Variants in CDK11A observed in about 807,000 individuals in gnomAD.
CDK11A encodes the protein cyclin-dependent kinase 11A.
Under a neutral mutation model 83.6 loss-of-function variants are expected in CDK11A, and 55 were observed. That is an observed-to-expected ratio of 0.66 (90% CI 0.53 to 0.82). CDK11A has a LOEUF of 0.82. CDK11A is among the 40% of genes least tolerant of loss of function. The probability of loss-of-function intolerance (pLI) is 0.00; values close to 1 mark genes in which losing one functional copy is unlikely to be tolerated. For missense variants in CDK11A, 564 were observed against 810.1 expected (o/e 0.70, Z 3.69); for synonymous variants, 247 against 302.7 (o/e 0.82, Z 1.91).
intron 4 of CDK11A, among the ~76,000 whole-genome samples, chr1:1,718,944 G>C (rs1306148544): frequency 3.3e-5 from 5 of 150,648 alleles, no homozygotes; most frequent in South Asian, 2.1e-4. Context: ...CCTTCAGCTA[G>C]AGTATTCTCT....
In CDK11A at chr1:1,702,576, T is replaced by C. The variant is rs1644127089; in HGVS notation, c.*331A>G. Among the ~76,000 whole-genome samples, 2 of 124,282 alleles carry C rather than the reference T, an allele frequency of 1.6e-5. No homozygotes were observed. Among genetic ancestry groups the C allele is most frequent in the South Asian group, 2.9e-4 (1 of 3,474 alleles). 81.5% of individuals were successfully genotyped at this position (124,282 alleles called of 152,430 possible). A position where few individuals can be genotyped will look rare whatever the true frequency, so the allele number is the denominator to read the frequency against. On this transcript the variant is annotated 3_prime_UTR_variant, in exon 20 of 20. Coordinates refer to ENST00000404249, the MANE Select transcript of CDK11A (RefSeq NM_024011.4). Reference sequence around the variant, plus strand: ...AGAAACAGGTCTCCAGCTCCGAAGATTAAACAATCCACCCGGCTCCCACCA... The same window carrying C: ...AGAAACAGGTCTCCAGCTCCGAAGACTAAACAATCCACCCGGCTCCCACCA...
chr1:1,704,733 G>A lies in CDK11A; in HGVS notation c.1459-78C>T, dbSNP rs1164799392. ...CTGCACCCGGGCGCAGATGCTGAGG[G>A]ACAGTAAGGACCTCCGGTGCCACCC... On this transcript the variant is annotated intron_variant, in intron 13 of 19. Coordinates refer to ENST00000404249, the MANE Select transcript of CDK11A (RefSeq NM_024011.4). The A allele has an allele frequency of 3.6e-5, 57 of 1,600,968 alleles. 1 individual carries two copies. Among genetic ancestry groups the A allele is most frequent in the Non-Finnish European group, 1.2e-5 (14 of 1,171,696 alleles).
At chr1:1,711,984 G>A (rs535641751) in intron 6 of CDK11A, among the ~76,000 whole-genome samples, 3,106 of 113,766 alleles carry the variant, frequency 0.027, 148 homozygotes, top group African/African-American at 0.084. Context: ...TAAAAAAATA[G>A]CTGAACATGG....
At chr1:1,703,970 G>A (rs1452283149) in intron 16 of CDK11A, 30 bp from the exon 17 acceptor site, 3 of 1,608,278 alleles carry the variant, frequency 1.9e-6, no homozygotes, top group Non-Finnish European at 1.7e-6. Flanking sequence ...GTTCAGGAAG[G>A]CCAGTGCCCG....
intron 2 of CDK11A, 44 bp from the exon 3 acceptor site, chr1:1,721,755 T>A: frequency 6.8e-7 from 1 of 1,475,440 alleles, no homozygotes; most frequent in East Asian, 2.4e-5. Flanking sequence ...TATAAGTTTT[T>A]TTTTCTTCAT....
At position 1,721,879 on chromosome 1, in the gene CDK11A, A is replaced by G. The variant is rs1017486922; in HGVS notation, c.112-168T>C. The stretch of plus-strand genomic sequence containing the variant: ...ATATAAAGAATTTTTGGCCAGGTGC[A>G]GTGGCTCACGCTTGTTAATCCCAGC... On this transcript the variant is annotated intron_variant, in intron 2 of 19. Coordinates refer to ENST00000404249, the MANE Select transcript of CDK11A (RefSeq NM_024011.4). The G allele has an allele frequency of 3.5e-6, 3 of 862,864 alleles. 1 individual carries two copies. The highest frequency in any genetic ancestry group is 3.2e-5 in the East Asian group (1 of 31,318). The allele number at this position is 862,864 out of a possible 1,614,324, so 53.5% of individuals were successfully genotyped here. A position where few individuals can be genotyped will look rare whatever the true frequency, so the allele number is the denominator to read the frequency against.
Position 1,722,832 on chromosome 1 carries a change from C to T in CDK11A, c.-13-1G>A, listed in dbSNP as rs771991599. The T allele has an allele frequency of 2.1e-5, 26 of 1,236,956 alleles. 1 individual carries two copies. The South Asian group carries it at 3.2e-4, about 15-fold the overall frequency. The allele number at this position is 1,236,956 out of a possible 1,614,324, so 76.6% of individuals were successfully genotyped here. Reference sequence around the variant, plus strand: ...TTCATCACCCATTTGAGTTAAAACACTGCAAAAAGAAAAATAATTCAGCCT... The same window carrying T: ...TTCATCACCCATTTGAGTTAAAACATTGCAAAAAGAAAAATAATTCAGCCT... On this transcript the variant is annotated splice_acceptor_variant, in intron 1 of 19. Coordinates refer to ENST00000404249, the MANE Select transcript of CDK11A (RefSeq NM_024011.4). LOFTEE classifies it low-confidence loss of function (5UTR_SPLICE).
At position 1,705,134 on chromosome 1, in the gene CDK11A, C is replaced by T. The variant is rs1463443184; in HGVS notation, c.1337-109G>A. The T allele has an allele frequency of 6.1e-5, 87 of 1,418,946 alleles. 5 individuals carry two copies. Among genetic ancestry groups the T allele is most frequent in the South Asian group, 5.4e-4 (39 of 71,940 alleles). 87.9% of individuals were successfully genotyped at this position (1,418,946 alleles called of 1,614,324 possible). Reference sequence around the variant, plus strand: ...CAGTGCCCAAAGCGCCAGCATTTCACGGAGGGGGGTCTCGTTCTAGGTGGG... The same window carrying T: ...CAGTGCCCAAAGCGCCAGCATTTCATGGAGGGGGGTCTCGTTCTAGGTGGG... On this transcript the variant is annotated intron_variant, in intron 12 of 19. Coordinates refer to ENST00000404249, the MANE Select transcript of CDK11A (RefSeq NM_024011.4).
At position 1,704,931 on chromosome 1, in the gene CDK11A, G is replaced by A. The variant is rs1434875623; in HGVS notation, c.1431C>T (p.Ala477=). Residue 477 remains alanine (A), a synonymous_variant, in exon 13 of 20, where the codon GCC becomes GCT. Transcript: ENST00000404249. ...SLREINTILK[A]QHPNIVTVRE... ...TAACGGTGACAATGTTGGGATGCTG[G>A]GCCTTGAGGATGGTGTTGATCTCCC... 1.9e-6 allele frequency: 3 copies of A among 1,595,520 alleles called. No individual in the cohort carries two copies. Among genetic ancestry groups the A allele is most frequent in the Non-Finnish European group, 2.6e-6 (3 of 1,172,564 alleles).
In CDK11A at chr1:1,703,577, G is replaced by C; in HGVS notation, c.1959C>G (p.Leu653=). 6.3e-7 allele frequency: 1 copy of C among 1,585,078 alleles called. No homozygotes were observed. Among genetic ancestry groups the C allele is most frequent in the Non-Finnish European group, 8.5e-7 (1 of 1,172,024 alleles). The part of the protein sequence containing the change: ...SEKIWPGYSE[L]PVVKKMTFSE... ...TGAAGGTCATCTTTTTGACTACTGG[G>C]AGCTCACTGTAGCCGGGCCAGATTT... is the stretch of plus-strand genomic sequence containing the variant. The change falls in exon 18 of 20, where the codon CTC becomes CTG. Residue 653 remains leucine (L), a synonymous_variant. Coordinates refer to ENST00000404249, the MANE Select transcript of CDK11A (RefSeq NM_024011.4).
intron 3 of CDK11A, among the ~76,000 whole-genome samples, chr1:1,720,347 T>G (rs2101341932): frequency 6.6e-6 from 1 of 150,734 alleles, no homozygotes; most frequent in South Asian, 2.1e-4. Context: ...TCTGCCCGCC[T>G]CAGCCTCCCA....
In CDK11A at chr1:1,720,507, T is replaced by G. The variant is rs1644865824; in HGVS notation, c.228-1052A>C. Among the ~76,000 whole-genome samples the G allele has an allele frequency of 7.3e-5, 11 of 151,072 alleles. 2 individuals are homozygous for G. In the Admixed American group the frequency reaches 7.3e-4, roughly 10 times the overall value. On this transcript the variant is annotated intron_variant, in intron 3 of 19. Coordinates refer to ENST00000404249, the MANE Select transcript of CDK11A (RefSeq NM_024011.4). ...CTCCTGTCCCAGGTTCGAGCAATTCTCCTGCCTCAGCCTCCGGAGTAGCTG... is the reference window on the plus strand; with the variant it reads ...CTCCTGTCCCAGGTTCGAGCAATTCGCCTGCCTCAGCCTCCGGAGTAGCTG...
At chr1:1,713,793 C>T (rs1417152698) in intron 5 of CDK11A, among the ~76,000 whole-genome samples, 5 of 67,500 alleles carry the variant, frequency 7.4e-5, no homozygotes, top group East Asian at 3.7e-4. Flanking sequence ...TTCAAGTTAC[C>T]GTCTGGTGTC....
intron 4 of CDK11A, among the ~76,000 whole-genome samples, chr1:1,718,654 A>T (rs1333741542): frequency 8.1e-5 from 7 of 86,556 alleles, no homozygotes; most frequent in East Asian, 3.7e-4. Context: ...TTTTTTTTTG[A>T]GACGGAGTCT....
At chr1:1,718,354 C>T in intron 4 of CDK11A, among the ~76,000 whole-genome samples, 1 of 150,000 alleles carries the variant, frequency 6.7e-6, no homozygotes, top group Non-Finnish European at 1.5e-5. Flanking sequence ...CACACGCATG[C>T]TTTCAGCTGG....
chr1:1,721,933 C>T (rs1180713686), intron 2 of CDK11A: 8 of 471,658 alleles, frequency 1.7e-5, no homozygotes, highest in Non-Finnish European at 2.9e-5. Flanking sequence ...GGGTGGATCA[C>T]GAGGTCAGGA....
chr1:1,704,452 T>C (rs1273030559), intron 14 of CDK11A, 98 bp downstream of exon 14: 1 of 1,537,766 alleles, frequency 6.5e-7, no homozygotes, highest in Non-Finnish European at 8.8e-7. Context: ...GCTTTCCCTG[T>C]GGATGCAGCT....
In CDK11A at chr1:1,715,090, A is replaced by G. The variant is rs561676251; in HGVS notation, c.488+1256T>C. Among the ~76,000 whole-genome samples the G allele has an allele frequency of 4.3e-3, 613 of 142,010 alleles. 11 individuals are homozygous for G. Among genetic ancestry groups the G allele is most frequent in the Non-Finnish European group, 5.0e-3 (317 of 63,820 alleles). The allele number at this position is 142,010 out of a possible 152,430, so 93.2% of individuals were successfully genotyped here. On this transcript the variant is annotated intron_variant, in intron 5 of 19. Transcript: ENST00000404249. ...CTTCCAAGTGCAGAGTGGAAGCAGT[A>G]AAGGGAGCAGCTCTCAGGCCAGAAG...
At chr1:1,710,474 C>T (rs1644460270) in intron 6 of CDK11A, among the ~76,000 whole-genome samples, 1 of 83,478 alleles carries the variant, frequency 1.2e-5, no homozygotes, top group South Asian at 4.9e-4. Flanking sequence ...AGACACAGCC[C>T]AGCACAACCA....
Sources: allele counts gnomAD v4.1 joint callset (sites outside exome capture counted in the v4.1 genomes callset), GRCh38; gene constraint gnomAD v4.1.1; transcripts MANE v1.5; gene names NCBI Gene and HGNC (gene_info 2026-07-23, HGNC 2026-07-21).